Variants in IGFL2 observed in about 807,000 individuals in gnomAD.
IGFL2 encodes the protein IGF like family member 2.
Under a neutral mutation model 13.9 loss-of-function variants are expected in IGFL2, and 7 were observed. That is an observed-to-expected ratio of 0.51 (90% CI 0.29 to 0.95). IGFL2 has a LOEUF of 0.95. IGFL2 is among the 40% of genes least tolerant of loss of function. The pLI is 0.08. For missense variants in IGFL2, 138 were observed against 147.8 expected (o/e 0.93, Z 0.34); for synonymous variants, 55 against 55.8 (o/e 0.99, Z 0.07).
the IGFL2 span, among the ~76,000 whole-genome samples, chr19:46,130,250 T>C: frequency 6.6e-6 from 1 of 152,162 alleles, no homozygotes; most frequent in Non-Finnish European, 1.5e-5. Context: ...GTGGGTGTAA[T>C]TGCATGTGAG....
At chr19:46,107,042 C>A in the IGFL2 span, among the ~76,000 whole-genome samples, 6 of 152,144 alleles carry the variant, frequency 3.9e-5, no homozygotes, top group African/African-American at 1.4e-4. Flanking sequence ...GGTAACTGGG[C>A]AAGTGGGGAT....
At chr19:46,175,091 T>C in the IGFL2 span, among the ~76,000 whole-genome samples, 1 of 152,200 alleles carries the variant, frequency 6.6e-6, no homozygotes, top group Non-Finnish European at 1.5e-5. Flanking sequence ...TAACTTGGTC[T>C]ATATATTCCT....
rs1468144435 is a variant in IGFL2, at chr19:46,161,223, A to G, written c.*135A>G. On this transcript the variant is annotated 3_prime_UTR_variant, in exon 4 of 4. Coordinates refer to ENST00000377693, the MANE Select transcript of IGFL2 (RefSeq NM_001135113.2). ...CAAGCCATTGTATGGCCCATGTGGG[A>G]GACTGATGGGACATGGAGAATGACA... The G allele has an allele frequency of 4.6e-6, 3 of 649,152 alleles. No individual in the cohort carries two copies. In the Admixed American group the frequency reaches 8.3e-5, roughly 18 times the overall value. 40.2% of individuals were successfully genotyped at this position (649,152 alleles called of 1,614,324 possible). A position where few individuals can be genotyped will look rare whatever the true frequency, so the allele number is the denominator to read the frequency against.
At chr19:46,181,896 C>T in the IGFL2 span, among the ~76,000 whole-genome samples, 1 of 152,278 alleles carries the variant, frequency 6.6e-6, no homozygotes, top group East Asian at 1.9e-4. Context: ...TTCCCAGTAC[C>T]TCTCCTTTCT....
At chr19:46,148,583 A>G (rs1348657501) in intron 1 of IGFL2, among the ~76,000 whole-genome samples, 4 of 152,112 alleles carry the variant, frequency 2.6e-5, no homozygotes, top group East Asian at 1.9e-4. Flanking sequence ...ACAGCAACCA[A>G]AGAAACTCAG....
At chr19:46,111,296 C>T in the IGFL2 span, 1 of 152,276 alleles carries the variant, frequency 6.6e-6, no homozygotes, top group East Asian at 1.9e-4. Context: ...TCAGTTGGTC[C>T]TGTCCCAATA....
chr19:46,151,405 A>G (rs1416019579), intron 1 of IGFL2, among the ~76,000 whole-genome samples: 3 of 152,274 alleles, frequency 2.0e-5, no homozygotes, highest in South Asian at 2.1e-4. Context: ...TTTGATTTCA[A>G]CAAATCTAAG....
the IGFL2 span, among the ~76,000 whole-genome samples, chr19:46,129,858 T>C: frequency 6.6e-6 from 1 of 152,230 alleles, no homozygotes; most frequent in Admixed American, 6.5e-5. Flanking sequence ...TGGAGAGTTC[T>C]GCAGATGTCT....
the IGFL2 span, among the ~76,000 whole-genome samples, chr19:46,194,852 ATTTTTTTTTTT>A: frequency 2.3e-3 from 73 of 31,580 alleles, no homozygotes; most frequent in East Asian, 3.2e-3. Context: ...ATATATATAT[ATTTTTTTTTTT>A]TTTTTTTTTT....
the IGFL2 span, among the ~76,000 whole-genome samples, chr19:46,122,263 T>G: frequency 6.6e-6 from 1 of 151,036 alleles, no homozygotes; most frequent in African/African-American, 2.5e-5. Flanking sequence ...ACAAAACATC[T>G]TTAGCCAGGG....
the IGFL2 span, among the ~76,000 whole-genome samples, chr19:46,175,314 CT>C: frequency 7.8e-4 from 119 of 152,194 alleles, 2 homozygotes; most frequent in Middle Eastern, 0.017. Context: ...GGTTAAGCAG[CT>C]GACTCAGGAC....
chr19:46,136,804 C>G, the IGFL2 span: 2 of 678,672 alleles, frequency 2.9e-6, no homozygotes, highest in Non-Finnish European at 5.5e-6. Context: ...GCAACATTCA[C>G]TAGAAGCTGA....
the IGFL2 span, among the ~76,000 whole-genome samples, chr19:46,082,390 A>AT: frequency 6.6e-6 from 1 of 152,184 alleles, no homozygotes; most frequent in Non-Finnish European, 1.5e-5. Flanking sequence ...GAGAGACTGT[A>AT]ATTCTCTTGA....
chr19:46,213,040 A>G, the IGFL2 span: 1 of 152,306 alleles, frequency 6.6e-6, no homozygotes, highest in African/African-American at 2.4e-5. Flanking sequence ...ATCCTGGGCC[A>G]TGGGCTTGGG....
the IGFL2 span, among the ~76,000 whole-genome samples, chr19:46,125,491 A>G: frequency 1.3e-5 from 2 of 152,348 alleles, no homozygotes; most frequent in African/African-American, 2.4e-5. Flanking sequence ...GACAAATTCA[A>G]ATAATCCCGA....
At chr19:46,209,069 C>T in the IGFL2 span, 1 of 151,220 alleles carries the variant, frequency 6.6e-6, no homozygotes, top group East Asian at 2.0e-4. Flanking sequence ...TGGGTCATCA[C>T]CGTTTTTGGA....
At chr19:46,145,644 ATTT>A (rs1388169108), upstream of IGFL2, among the ~76,000 whole-genome samples, 3 of 140,998 alleles carry the variant, frequency 2.1e-5, no homozygotes, top group African/African-American at 8.8e-5. Flanking sequence ...GTATTTATTT[ATTT>A]ATTTATTTAA....
chr19:46,124,494 C>T, the IGFL2 span: 3 of 1,152,168 alleles, frequency 2.6e-6, 1 homozygote, highest in East Asian at 4.8e-5. Context: ...GCTCAGTCAC[C>T]CTTTGAGGTG....
the IGFL2 span, among the ~76,000 whole-genome samples, chr19:46,178,338 C>G: frequency 3.9e-5 from 6 of 152,006 alleles, 1 homozygote; most frequent in Admixed American, 3.9e-4. Flanking sequence ...CAATAAGATA[C>G]CAAATTTCAA....
Sources: allele counts gnomAD v4.1 joint callset (sites outside exome capture counted in the v4.1 genomes callset), GRCh38; gene constraint gnomAD v4.1.1; transcripts MANE v1.5; gene names NCBI Gene and HGNC (gene_info 2026-07-23, HGNC 2026-07-21).